Variants in CNTN3 observed in about 807,000 individuals in gnomAD.
CNTN3 encodes the protein contactin 3, also known as contactin-3.
A neutral mutation model predicts 119.1 loss-of-function variants in CNTN3; 60 were observed. That is an observed-to-expected ratio of 0.50 (90% confidence interval 0.41 to 0.62). The LOEUF (loss-of-function observed/expected upper bound fraction) is 0.62. Among genes scored for constraint, CNTN3 ranks in the 20% least tolerant of loss-of-function variants. The pLI, the probability that CNTN3 is intolerant of heterozygous loss-of-function variation, is 0.00. For synonymous variants in CNTN3, 450 were observed against 438.7 expected (o/e 1.03, Z -0.32); for missense variants, 1,101 against 1,242.4 (o/e 0.89, Z 1.71).
chr3:74,343,892 G>A (rs1363033290), intron 11 of CNTN3, among the ~76,000 whole-genome samples: 1 of 151,160 alleles, frequency 6.6e-6, no homozygotes, highest in African/African-American at 2.5e-5. Flanking sequence ...GAGAGAAAAT[G>A]TTCTAAGCTA....
At chr3:74,500,077 T>C (rs139576305) in intron 2 of CNTN3, among the ~76,000 whole-genome samples, 19 of 151,896 alleles carry the variant, frequency 1.3e-4, no homozygotes, top group African/African-American at 3.4e-4. Context: ...TAAGTGTAGA[T>C]TGGTGAATAA....
intron 17 of CNTN3, among the ~76,000 whole-genome samples, chr3:74,298,494 T>C (rs1196732539): frequency 1.3e-5 from 2 of 152,040 alleles, no homozygotes; most frequent in Non-Finnish European, 2.9e-5. Context: ...ATACTTTCAG[T>C]TGAAAATATC....
intron 1 of CNTN3, among the ~76,000 whole-genome samples, chr3:74,597,965 T>C (rs1047700234): frequency 1.3e-5 from 2 of 151,998 alleles, no homozygotes; most frequent in African/African-American, 4.8e-5. Context: ...TCTTGCAAGC[T>C]TCTAGAATAA....
chr3:74,334,995 A>G (rs1022126389), intron 12 of CNTN3, 85 bp from the exon 13 acceptor site: 1 of 972,996 alleles, frequency 1.0e-6, no homozygotes, highest in Non-Finnish European at 1.6e-6. Context: ...TCTAACTTAT[A>G]CTGTGTATGT....
intron 20 of CNTN3, among the ~76,000 whole-genome samples, chr3:74,280,016 T>C (rs1001469412): frequency 6.6e-6 from 1 of 152,162 alleles, no homozygotes; most frequent in African/African-American, 2.4e-5. Context: ...AGAGTTTAAT[T>C]ATATTGTTTG....
At chr3:74,310,765 G>A (rs538783761) in intron 13 of CNTN3, among the ~76,000 whole-genome samples, 1 of 152,250 alleles carries the variant, frequency 6.6e-6, no homozygotes, top group Admixed American at 6.5e-5. Context: ...TACTTGGTAG[G>A]GAGCAGTGTT....
intron 1 of CNTN3, among the ~76,000 whole-genome samples, chr3:74,603,478 A>G (rs910422786): frequency 2.6e-5 from 4 of 152,184 alleles, no homozygotes; most frequent in Admixed American, 6.6e-5. Context: ...ATGCTGATCC[A>G]AAGCTGACCC....
chr3:74,471,578 G>A (rs1392319579), intron 4 of CNTN3, among the ~76,000 whole-genome samples: 1 of 152,076 alleles, frequency 6.6e-6, no homozygotes, highest in Non-Finnish European at 1.5e-5. Context: ...CTGTTTATGG[G>A]CCTCTAAAGT....
intron 5 of CNTN3, among the ~76,000 whole-genome samples, chr3:74,389,087 A>G (rs1704829399): frequency 1.3e-5 from 2 of 152,238 alleles, no homozygotes; most frequent in African/African-American, 4.8e-5. Flanking sequence ...GTTTAAAAAT[A>G]GAATTTTAAT....
At chr3:74,341,027 C>G (rs182037011) in intron 11 of CNTN3, among the ~76,000 whole-genome samples, 1 of 152,170 alleles carries the variant, frequency 6.6e-6, no homozygotes, top group East Asian at 1.9e-4. Flanking sequence ...GCAAATCATG[C>G]CCATGTTGAA....
intron 4 of CNTN3, among the ~76,000 whole-genome samples, chr3:74,456,900 C>A (rs905551874): frequency 6.6e-6 from 1 of 151,894 alleles, no homozygotes; most frequent in Non-Finnish European, 1.5e-5. Flanking sequence ...AAAATAAAAT[C>A]TATTTACCAA....
chr3:74,447,567 A>G (rs1313577160), intron 4 of CNTN3, among the ~76,000 whole-genome samples: 1 of 151,862 alleles, frequency 6.6e-6, no homozygotes, highest in African/African-American at 2.4e-5. Flanking sequence ...CATGGAAAAT[A>G]AGACCTACTA....
At chr3:74,503,601 T>C (rs908362708) in intron 2 of CNTN3, among the ~76,000 whole-genome samples, 1 of 152,110 alleles carries the variant, frequency 6.6e-6, no homozygotes, top group Non-Finnish European at 1.5e-5. Context: ...AAAGAAATTA[T>C]CCAACATTTT....
intron 5 of CNTN3, among the ~76,000 whole-genome samples, chr3:74,398,861 G>T (rs1345374645): frequency 6.6e-6 from 1 of 152,048 alleles, no homozygotes; most frequent in Non-Finnish European, 1.5e-5. Flanking sequence ...TTATCACGTG[G>T]TTAATTTTTT....
chr3:74,436,355 T>C (rs2106919137), intron 4 of CNTN3, among the ~76,000 whole-genome samples: 1 of 152,252 alleles, frequency 6.6e-6, no homozygotes, highest in South Asian at 2.1e-4. Flanking sequence ...CCAGCTCCCT[T>C]TGTCGCCTTC....
chr3:74,358,680 T>A (rs1704003734), intron 11 of CNTN3, among the ~76,000 whole-genome samples: 1 of 150,928 alleles, frequency 6.6e-6, no homozygotes, highest in Admixed American at 6.6e-5. Context: ...TACATATGTA[T>A]ACATGTGACA....
chr3:74,486,830 A>C (rs1702868504), intron 3 of CNTN3, among the ~76,000 whole-genome samples, 199 bp from the exon 4 acceptor site: 1 of 152,204 alleles, frequency 6.6e-6, no homozygotes, highest in Admixed American at 6.5e-5. Flanking sequence ...AGAAAGTATA[A>C]CAGAGTAGCA....
chr3:74,380,209 G>C (rs1704580543), intron 5 of CNTN3, among the ~76,000 whole-genome samples: 1 of 152,226 alleles, frequency 6.6e-6, no homozygotes, highest in Admixed American at 6.5e-5. Context: ...CTTAAGATTA[G>C]CTCCAAACCA....
At chr3:74,285,892 G>C (rs1157497475) in intron 19 of CNTN3, among the ~76,000 whole-genome samples, 1 of 143,322 alleles carries the variant, frequency 7.0e-6, no homozygotes, top group Admixed American at 7.2e-5. Flanking sequence ...TTTTCTGTAA[G>C]TATTGCTGTG....
Sources: gnomAD v4.1 joint callset for allele counts (sites outside exome capture counted in the v4.1 genomes callset) on GRCh38, gnomAD v4.1.1 for gene constraint, MANE v1.5 for transcripts, NCBI Gene and HGNC (gene_info 2026-07-23, HGNC 2026-07-21) for gene names.